The following RELB variants were observed in gnomAD, a reference collection of about 807,000 sequenced individuals.
RELB encodes RELB proto-oncogene, NF-kB subunit.
Under a neutral mutation model 55.4 loss-of-function variants are expected in RELB, and 14 were observed. The ratio of observed to expected loss-of-function variants is 0.25; its 90% CI spans 0.17 to 0.40. RELB has a LOEUF of 0.40. Among genes scored for constraint, RELB ranks in the 10% least tolerant of loss-of-function variants. RELB has a pLI of 1.00. For synonymous variants in RELB, 409 were observed against 371.3 expected (o/e 1.10, Z -1.17); for missense variants, 669 against 830.7 (o/e 0.81, Z 2.39).
At chr19:45,020,827 G>A (rs1971476280) in intron 4 of RELB, among the ~76,000 whole-genome samples, 1 of 151,924 alleles carries the variant, frequency 6.6e-6, no homozygotes. Context: ...AAAGTGCTGG[G>A]ATTACAGGCG....
chr19:45,032,002 C>G (rs1326649369), intron 8 of RELB, among the ~76,000 whole-genome samples: 1 of 151,676 alleles, frequency 6.6e-6, no homozygotes, highest in Non-Finnish European at 1.5e-5. Flanking sequence ...CTTTGGGAGG[C>G]CAAGGCGGGC....
At chr19:45,008,725 C>T (rs1971313577) in intron 2 of RELB, 3 of 337,032 alleles carry the variant, frequency 8.9e-6, no homozygotes, top group South Asian at 4.4e-5. Flanking sequence ...GGAACAGGTT[C>T]GCGTCTATAA....
intron 4 of RELB, among the ~76,000 whole-genome samples, chr19:45,017,444 C>T: frequency 5.4e-5 from 1 of 18,492 alleles, no homozygotes; most frequent in South Asian, 1.1e-3. Flanking sequence ...CAGAGAGAAT[C>T]TGTCTAAAAA....
intron 3 of RELB, among the ~76,000 whole-genome samples, chr19:45,010,862 C>T (rs1309549457): frequency 6.6e-6 from 1 of 150,566 alleles, no homozygotes; most frequent in African/African-American, 2.4e-5. Context: ...ATTTATTTAT[C>T]TATTTATTTA....
intron 5 of RELB, among the ~76,000 whole-genome samples, chr19:45,023,732 C>T (rs2122459705): frequency 7.0e-6 from 1 of 142,294 alleles, no homozygotes; most frequent in East Asian, 2.1e-4. Flanking sequence ...GCCCACTGTG[C>T]CCAGCCTCTT....
chr19:45,027,207 C>T (rs562619861), intron 7 of RELB, among the ~76,000 whole-genome samples: 75 of 139,312 alleles, frequency 5.4e-4, no homozygotes, highest in Non-Finnish European at 1.0e-3. Context: ...CACTCCAGCC[C>T]GGGCAACAGA....
intron 2 of RELB, among the ~76,000 whole-genome samples, chr19:45,006,378 T>C (rs1384402315): frequency 6.6e-6 from 1 of 152,010 alleles, no homozygotes; most frequent in Non-Finnish European, 1.5e-5. Flanking sequence ...CTGATTTTTG[T>C]ACTTTTAGAG....
intron 7 of RELB, among the ~76,000 whole-genome samples, chr19:45,028,028 T>G (rs1278173390): frequency 1.3e-5 from 2 of 151,974 alleles, no homozygotes; most frequent in Non-Finnish European, 2.9e-5. Flanking sequence ...TACAGGCATG[T>G]GCCACCACAC....
intron 10 of RELB, 30 bp downstream of exon 10, chr19:45,034,342 A>C: frequency 6.2e-7 from 1 of 1,601,274 alleles, no homozygotes; most frequent in Non-Finnish European, 8.6e-7. Context: ...TTCCACCCCC[A>C]TCCCCAGGTT....
chr19:45,009,901 C>A, intron 3 of RELB, 79 bp downstream of exon 3: 2 of 1,351,288 alleles, frequency 1.5e-6, no homozygotes, highest in South Asian at 1.2e-5. Flanking sequence ...CTTCCTTGTT[C>A]AGTGGGGGTG....
chr19:45,037,375 A>G, intron 11 of RELB, 30 bp from the exon 12 acceptor site: 1 of 1,511,538 alleles, frequency 6.6e-7, no homozygotes, highest in Non-Finnish European at 8.8e-7. Context: ...CCTAAATCAC[A>G]CTACACTTCT....
In RELB at chr19:45,012,062, C is replaced by T. The variant is rs2122414295; in HGVS notation, c.290C>T (p.Pro97Leu). ...AASLSTVTLGPVAPPATPPPW... is the reference protein window; with the variant it reads ...AASLSTVTLGLVAPPATPPPW... ...TCCCTGAGCACGGTCACCCTGGGCC[C>T]TGTGGCGCCCCCAGCCACGCCGCCG... The change falls in exon 4 of 12, where the codon CCT (proline) becomes CTT (leucine). Residue 97 changes from proline to leucine, a missense_variant. Physicochemically the swap from Pro to Leu is moderately conservative, Grantham distance 98. This residue lies in a region of RELB where 323 missense variants were observed against 368.5 expected (regional missense o/e 0.88). Coordinates refer to ENST00000221452, the MANE Select transcript of RELB (RefSeq NM_006509.4). 2.6e-6 allele frequency: 4 copies of T among 1,555,464 alleles called. No individual in the cohort carries two copies. The East Asian group carries it at 7.5e-5, about 29-fold the overall frequency.
At chr19:45,020,021 G>A (rs1043208043) in intron 4 of RELB, among the ~76,000 whole-genome samples, 2 of 151,756 alleles carry the variant, frequency 1.3e-5, no homozygotes, top group African/African-American at 4.8e-5. Flanking sequence ...GCCTCCCAAA[G>A]CGTCGGGATT....
chr19:45,015,955 C>T (rs1267570139), intron 4 of RELB, among the ~76,000 whole-genome samples: 3 of 151,880 alleles, frequency 2.0e-5, no homozygotes, highest in African/African-American at 7.2e-5. Context: ...ATATTACCTA[C>T]CTCTATTCAC....
Position 45,012,095 on chromosome 19 carries a change from G to T in RELB, c.323G>T (p.Gly108Val), listed in dbSNP as rs1971367699. 6.4e-7 allele frequency: 1 copy of T among 1,554,520 alleles called. No homozygotes were observed. Among genetic ancestry groups the T allele is most frequent in the Admixed American group, 2.0e-5 (1 of 50,610 alleles). ...CCCCCAGCCACGCCGCCGCCTTGGG[G>T]CTGCCCCCTGGGCCGACTAGTGTCC... is the stretch of plus-strand genomic sequence containing the variant. ...VAPPATPPPW[G>V]CPLGRLVSPA... Residue 108 changes from glycine to valine, a missense_variant, in exon 4 of 12, where the codon GGC (glycine) becomes GTC (valine). Around this residue, in one of 3 missense-constraint regions of RELB, gnomAD observed 323 missense variants for 368.5 expected, o/e 0.88. Transcript: ENST00000221452.
chr19:45,028,808 C>T, intron 7 of RELB, 80 bp from the exon 8 acceptor site: 1 of 1,173,854 alleles, frequency 8.5e-7, no homozygotes, highest in Non-Finnish European at 1.2e-6. Flanking sequence ...GGATGGCACC[C>T]ACTGGGTGCC....
intron 2 of RELB, among the ~76,000 whole-genome samples, chr19:45,006,082 G>A (rs1296448051): frequency 2.0e-5 from 3 of 152,256 alleles, no homozygotes; most frequent in East Asian, 3.8e-4. Context: ...AGGCAGACAC[G>A]TAAACAATAA....
At chr19:45,003,171 T>G (rs568445093) in intron 2 of RELB, among the ~76,000 whole-genome samples, 175 bp downstream of exon 2, 127 of 152,194 alleles carry the variant, frequency 8.3e-4, no homozygotes, top group African/African-American at 3.0e-3. Context: ...CCTCTTGGAC[T>G]GTTAAGAGCG....
intron 4 of RELB, among the ~76,000 whole-genome samples, chr19:45,015,902 T>C (rs1216708204): frequency 1.3e-5 from 2 of 152,150 alleles, no homozygotes; most frequent in Non-Finnish European, 2.9e-5. Flanking sequence ...GCTGGTTAAA[T>C]GAATGGTTTT....
Sources: allele counts gnomAD v4.1 joint callset (sites outside exome capture counted in the v4.1 genomes callset), GRCh38; gene constraint gnomAD v4.1.1; regional missense constraint gnomAD v4.1.1; transcripts MANE v1.5; gene names NCBI Gene and HGNC (gene_info 2026-07-23, HGNC 2026-07-21).